AHI1: variants seen among roughly 807,000 people sequenced by gnomAD.
The protein encoded by AHI1 is Abelson helper integration site 1.
In AHI1, 123 loss-of-function variants were observed where a neutral mutation model predicts 149.3. That is an observed-to-expected ratio of 0.82 (90% CI 0.71 to 0.96). The LOEUF (loss-of-function observed/expected upper bound fraction) is 0.96, where lower values mean the gene tolerates loss of function less well. Among genes scored for constraint, AHI1 ranks in the 40% least tolerant of loss-of-function variants. The pLI is 0.00. For synonymous variants in AHI1, 475 were observed against 459.8 expected (o/e 1.03, Z -0.42); for missense variants, 1,439 against 1,422.7 (o/e 1.01, Z -0.18).
intron 25 of AHI1, among the ~76,000 whole-genome samples, chr6:135,322,703 AT>A (rs1787052347): frequency 1.3e-5 from 2 of 152,210 alleles, no homozygotes. Flanking sequence ...TGAGGGCTAA[AT>A]TTACTTGAGA....
intron 27 of AHI1, among the ~76,000 whole-genome samples, chr6:135,293,756 TC>T (rs1171883845): frequency 6.6e-6 from 1 of 152,236 alleles, no homozygotes; most frequent in Non-Finnish European, 1.5e-5. Flanking sequence ...CAAAGATATA[TC>T]ATGTTAATGA....
chr6:135,363,584 G>GC (rs1794278993), intron 23 of AHI1, among the ~76,000 whole-genome samples: 1 of 151,740 alleles, frequency 6.6e-6, no homozygotes, highest in Admixed American at 6.6e-5. Context: ...AGACGGGGTG[G>GC]TGGCCGGGCA....
At chr6:135,416,694 A>G (rs1327948297) in intron 20 of AHI1, among the ~76,000 whole-genome samples, 1 of 152,074 alleles carries the variant, frequency 6.6e-6, no homozygotes, top group Non-Finnish European at 1.5e-5. Flanking sequence ...TTCATGAACT[A>G]TGAGTCTGAG....
At chr6:135,316,352 C>T (rs1785944843) in intron 26 of AHI1, among the ~76,000 whole-genome samples, 1 of 152,072 alleles carries the variant, frequency 6.6e-6, no homozygotes, top group Non-Finnish European at 1.5e-5. Context: ...TTTTATTCTT[C>T]AAAGTGAAAC....
chr6:135,480,920 T>A (rs1467112810), intron 5 of AHI1, among the ~76,000 whole-genome samples: 1 of 152,202 alleles, frequency 6.6e-6, no homozygotes, highest in Non-Finnish European at 1.5e-5. Context: ...ACGTTCCTTA[T>A]GAGAATCTAA....
At chr6:135,323,572 A>G (rs927472161) in intron 24 of AHI1, among the ~76,000 whole-genome samples, 2 of 152,212 alleles carry the variant, frequency 1.3e-5, no homozygotes, top group Admixed American at 1.3e-4. Flanking sequence ...TCAAAATAGC[A>G]GATGTTAATT....
intron 23 of AHI1, among the ~76,000 whole-genome samples, chr6:135,382,353 T>C (rs1263318270): frequency 1.3e-5 from 2 of 152,218 alleles, no homozygotes; most frequent in Non-Finnish European, 2.9e-5. Context: ...AAATGTGCAT[T>C]TAAAATTCTA....
In AHI1 at chr6:135,431,885, C is replaced by G. The variant is rs186794400; in HGVS notation, c.2267-571G>C. On this transcript the variant is annotated intron_variant, in intron 16 of 28. Coordinates refer to ENST00000265602, the MANE Select transcript of AHI1 (RefSeq NM_001134831.2). ...TTCAGTATTTTATAAAACAGCTATT[C>G]AACTGGTGAACTGCTTCCTGTATTA... Among the ~76,000 whole-genome samples, 155 of 152,176 alleles carry G rather than the reference C, an allele frequency of 1.0e-3. 1 individual carries two copies. The highest frequency in any genetic ancestry group is 3.4e-3 in the African/African-American group (143 of 41,516).
At position 135,386,652 on chromosome 6, in the gene AHI1, C is replaced by T. The variant is rs927174096; in HGVS notation, c.3109+8124G>A. Among the ~76,000 whole-genome samples, 8 of 150,680 alleles carry T rather than the reference C, an allele frequency of 5.3e-5. No homozygotes were observed. In the East Asian group the frequency reaches 1.2e-3, roughly 22 times the overall value. On this transcript the variant is annotated intron_variant, in intron 23 of 28. Transcript: ENST00000265602. ...TTTTCTTTTTTTGTTTTTTTTGAGA[C>T]GGAGTTTTGCTCTTGTCATCCAGGC... is the stretch of plus-strand genomic sequence containing the variant.
At chr6:135,427,444 T>C in intron 19 of AHI1, 137 bp from the exon 20 acceptor site, 1 of 743,518 alleles carries the variant, frequency 1.3e-6, no homozygotes, top group Non-Finnish European at 2.1e-6. Flanking sequence ...AAACCTCAAA[T>C]ATTTAAAAAT....
chr6:135,478,176 A>G (rs1206385773), intron 5 of AHI1, among the ~76,000 whole-genome samples: 2 of 152,192 alleles, frequency 1.3e-5, no homozygotes, highest in Non-Finnish European at 2.9e-5. Context: ...CATTGCTATA[A>G]AGATACCTGA....
At chr6:135,359,051 A>C (rs1793441082) in intron 23 of AHI1, among the ~76,000 whole-genome samples, 1 of 152,192 alleles carries the variant, frequency 6.6e-6, no homozygotes, top group African/African-American at 2.4e-5. Context: ...CAATTAGTAA[A>C]ATTCCTAGTT....
Position 135,287,838 on chromosome 6 carries a change from T to C in AHI1, c.3589-2191A>G, listed in dbSNP as rs546374946. Among the ~76,000 whole-genome samples the C allele has an allele frequency of 6.6e-5, 10 of 151,042 alleles. No homozygotes were observed. In the East Asian group the frequency reaches 1.7e-3, roughly 26 times the overall value. ...GTGGCCGGGCATGGTGGCTCATGCCTGTCATCCCAGCATTTTGGGAGGCTG... is the reference window on the plus strand; with the variant it reads ...GTGGCCGGGCATGGTGGCTCATGCCCGTCATCCCAGCATTTTGGGAGGCTG... On this transcript the variant is annotated intron_variant, in intron 28 of 28. Transcript: ENST00000265602.
chr6:135,474,679 T>G (rs1792310106), intron 5 of AHI1: 1 of 152,200 alleles, frequency 6.6e-6, no homozygotes, highest in African/African-American at 2.4e-5. Flanking sequence ...ATTGAGATGA[T>G]CTCATGGTTT....
At position 135,457,639 on chromosome 6, in the gene AHI1, T is replaced by G; in HGVS notation, c.1006A>C (p.Lys336Gln). The change falls in exon 9 of 29, where the codon AAA becomes CAA. Residue 336 changes from lysine (K) to glutamine (Q), a missense_variant. Transcript: ENST00000265602. ...ACAAGGTCATCATCAAGCAAACATT[T>G]GGGATAAACCGGGCTATCTCGGCTT... is the stretch of plus-strand genomic sequence containing the variant. ...ITSRDSPVYP[K>Q]CLLDDDLVLG... 6.2e-7 allele frequency: 1 copy of G among 1,613,992 alleles called. No individual in the cohort carries two copies. The highest frequency in any genetic ancestry group is 8.5e-7 in the Non-Finnish European group (1 of 1,179,874).
Position 135,463,133 on chromosome 6 carries a change from G to C in AHI1, c.923C>G (p.Thr308Ser), listed in dbSNP as rs1554214090. The C allele has an allele frequency of 6.4e-7, 1 of 1,574,372 alleles. No individual in the cohort carries two copies. Among genetic ancestry groups the C allele is most frequent in the Admixed American group, 1.8e-5 (1 of 55,854 alleles). ...KPKPKKTKKK[T>S]KAVADNNEDV... ...TAATTTGTATAGCAAACCTGCTTTA[G>C]TCTTCTTTTTTGTTTTTTTTGGTTT... Residue 308 changes from threonine to serine, a missense_variant, in exon 8 of 29, where the codon ACT becomes AGT. Coordinates refer to ENST00000265602, the MANE Select transcript of AHI1 (RefSeq NM_001134831.2).
At position 135,383,223 on chromosome 6, in the gene AHI1, TCCC is replaced by T. The variant is rs1029635157; in HGVS notation, c.3109+11550_3109+11552del. Among the ~76,000 whole-genome samples the T allele has an allele frequency of 2.5e-4, 27 of 109,540 alleles. No individual in the cohort carries two copies. In the South Asian group the frequency reaches 6.6e-3, roughly 27 times the overall value. The allele number at this position is 109,540 out of a possible 152,430, so 71.9% of individuals were successfully genotyped here. A position where few individuals can be genotyped will look rare whatever the true frequency, so the allele number is the denominator to read the frequency against. On this transcript the variant is annotated intron_variant, in intron 23 of 28. Coordinates refer to ENST00000265602, the MANE Select transcript of AHI1 (RefSeq NM_001134831.2). ...ATTGATTGATTCCTTCCTTCCCCCC[TCCC>T]TTTTTTTTTTTTTTTTTTTTTGAGA... is the stretch of plus-strand genomic sequence containing the variant.
intron 20 of AHI1, among the ~76,000 whole-genome samples, chr6:135,422,655 G>GTATA (rs1783364603): frequency 7.4e-6 from 1 of 134,280 alleles, no homozygotes; most frequent in African/African-American, 2.7e-5. Context: ...ATGTATGTAT[G>GTATA]TATACATGTA....
At chr6:135,399,291 C>G (rs1779692662) in intron 22 of AHI1, among the ~76,000 whole-genome samples, 1 of 152,160 alleles carries the variant, frequency 6.6e-6, no homozygotes, top group Admixed American at 6.5e-5. Flanking sequence ...CCAACTAAAA[C>G]TCTCCCTCTG....
Sources: gnomAD v4.1 joint callset for allele counts (sites outside exome capture counted in the v4.1 genomes callset) on GRCh38, gnomAD v4.1.1 for gene constraint, MANE v1.5 for transcripts, NCBI Gene and HGNC (gene_info 2026-07-23, HGNC 2026-07-21) for gene names.